TSC22D1: variants seen among roughly 807,000 people sequenced by gnomAD.
TSC22D1 encodes TSC22 domain family protein 1.
A neutral mutation model predicts 74.2 loss-of-function variants in TSC22D1; 9 were observed. That is an observed-to-expected ratio of 0.12 (90% CI 0.07 to 0.21). The LOEUF is 0.21. Among genes scored for constraint, TSC22D1 ranks in the 10% least tolerant of loss-of-function variants. The pLI, the probability that TSC22D1 is intolerant of heterozygous loss-of-function variation, is 1.00. For missense variants in TSC22D1, 1,427 were observed against 1,304.7 expected, an observed-to-expected ratio of 1.09 and a Z score of -1.44; for synonymous variants, 586 against 492.5, an observed-to-expected ratio of 1.19 and a Z score of -2.51.
chr13:44,498,479 A>C (rs1203794405), intron 1 of TSC22D1, among the ~76,000 whole-genome samples: 4 of 151,620 alleles, frequency 2.6e-5, no homozygotes, highest in African/African-American at 9.7e-5. Context: ...ACCATTTCAC[A>C]GCATACCAAC....
At chr13:44,444,023 A>G (rs1266576749) in intron 1 of TSC22D1, among the ~76,000 whole-genome samples, 3 of 152,138 alleles carry the variant, frequency 2.0e-5, no homozygotes, top group Non-Finnish European at 4.4e-5. Context: ...GTGGTGGCTC[A>G]CGCCTGTAAT....
chr13:44,511,729 AT>A (rs934648852), intron 1 of TSC22D1, among the ~76,000 whole-genome samples: 1 of 151,920 alleles, frequency 6.6e-6, no homozygotes. Context: ...AGAATTTATG[AT>A]TTTTTTTAAA....
chr13:44,558,140 G>C (rs1210371794), intron 1 of TSC22D1, among the ~76,000 whole-genome samples: 1 of 152,118 alleles, frequency 6.6e-6, no homozygotes, highest in African/African-American at 2.4e-5. Context: ...GCTTTTTATA[G>C]TTGTCAGCTG....
rs773879451 is a variant in TSC22D1, at chr13:44,575,889, C to T, written c.186G>A (p.Ser62=). 9.3e-6 allele frequency: 15 copies of T among 1,613,848 alleles called. No individual in the cohort carries two copies. The highest frequency in any genetic ancestry group is 1.3e-5 in the African/African-American group (1 of 74,898). The part of the protein sequence containing the change: ...ATSSEDFPPP[S]LLQPPPPAAS... Reference sequence around the variant, plus strand: ...CTGCAGGGGGCGGCGGCTGAAGCAGCGACGGAGGCGGAAAATCCTCGGAAG... The same window carrying T: ...CTGCAGGGGGCGGCGGCTGAAGCAGTGACGGAGGCGGAAAATCCTCGGAAG... Residue 62 remains serine (S), a synonymous_variant, in exon 1 of 3, where the codon TCG becomes TCA. Coordinates refer to ENST00000458659, the MANE Select transcript of TSC22D1 (RefSeq NM_183422.4).
intron 1 of TSC22D1, among the ~76,000 whole-genome samples, chr13:44,469,135 C>G (rs188553556): frequency 9.2e-5 from 14 of 152,180 alleles, no homozygotes. Context: ...TGCCTGTCAC[C>G]CATGCAATTA....
intron 1 of TSC22D1, among the ~76,000 whole-genome samples, chr13:44,511,048 G>A (rs1159232576): frequency 6.6e-6 from 1 of 152,212 alleles, no homozygotes; most frequent in Non-Finnish European, 1.5e-5. Flanking sequence ...CGTTCTGGGA[G>A]GCAGAGGTGG....
chr13:44,491,751 C>T (rs1480118514), intron 1 of TSC22D1, among the ~76,000 whole-genome samples: 2 of 152,084 alleles, frequency 1.3e-5, no homozygotes, highest in East Asian at 3.9e-4. Flanking sequence ...TATTTACAAG[C>T]ATTATATCAG....
chr13:44,570,793 G>A (rs1883713906), intron 1 of TSC22D1, among the ~76,000 whole-genome samples: 1 of 152,182 alleles, frequency 6.6e-6, no homozygotes, highest in African/African-American at 2.4e-5. Flanking sequence ...GAAGATGCAA[G>A]TGACAACAGA....
At chr13:44,494,097 C>G (rs906317811) in intron 1 of TSC22D1, among the ~76,000 whole-genome samples, 1 of 151,374 alleles carries the variant, frequency 6.6e-6, no homozygotes, top group Non-Finnish European at 1.5e-5. Context: ...CAAGCATGGT[C>G]AGGCATGGTG....
chr13:44,537,590 G>A (rs1028736371), intron 1 of TSC22D1: 102 of 984,536 alleles, frequency 1.0e-4, no homozygotes, highest in Non-Finnish European at 1.2e-4. Context: ...CTAAAACGAT[G>A]GACAGTTGTT....
intron 1 of TSC22D1, among the ~76,000 whole-genome samples, chr13:44,498,282 A>G (rs1566140538): frequency 1.4e-5 from 2 of 145,630 alleles, no homozygotes; most frequent in African/African-American, 5.1e-5. Flanking sequence ...TGGGCAACAA[A>G]GTGAGATTCT....
intron 1 of TSC22D1, among the ~76,000 whole-genome samples, chr13:44,442,767 T>C (rs1875300180): frequency 6.6e-6 from 1 of 151,098 alleles, no homozygotes; most frequent in Non-Finnish European, 1.5e-5. Flanking sequence ...AAATATAAAA[T>C]AGCTGGGCGT....
rs1378428472 is a variant in TSC22D1, at chr13:44,491,566, A to AC, written c.2913-55472_2913-55471insG. ...GAGACTCCGTCTCAAAAAAAAAAAA[A>AC]AAAGAAAAAAGAAAAGATTAGTATC... On this transcript the variant is annotated intron_variant, in intron 1 of 2. Transcript: ENST00000458659. Among the ~76,000 whole-genome samples, 4 of 151,976 alleles carry AC rather than the reference A, an allele frequency of 2.6e-5. 1 individual carries two copies. The highest frequency in any genetic ancestry group is 3.9e-4 in the East Asian group (2 of 5,174).
chr13:44,550,888 G>A (rs577188380), intron 1 of TSC22D1, among the ~76,000 whole-genome samples: 1 of 151,408 alleles, frequency 6.6e-6, no homozygotes, highest in African/African-American at 2.4e-5. Context: ...GCTGCAATGA[G>A]CTATGACTGC....
At position 44,555,670 on chromosome 13, in the gene TSC22D1, G is replaced by C. The variant is rs542112375; in HGVS notation, c.2912+17493C>G. On this transcript the variant is annotated intron_variant, in intron 1 of 2. Coordinates refer to ENST00000458659, the MANE Select transcript of TSC22D1 (RefSeq NM_183422.4). ...AGCCATCCTTGTCTTCAAGCACTTTGAGAACATTTTAGCCATTGATGTTTA... is the reference window on the plus strand; with the variant it reads ...AGCCATCCTTGTCTTCAAGCACTTTCAGAACATTTTAGCCATTGATGTTTA... 4.1e-3 allele frequency among the ~76,000 whole-genome samples: 624 copies of C among 151,992 alleles called. 5 individuals carry two copies. The highest frequency in any genetic ancestry group is 0.014 in the African/African-American group (574 of 41,440).
chr13:44,507,554 A>T (rs1032312004), intron 1 of TSC22D1, among the ~76,000 whole-genome samples: 4 of 152,194 alleles, frequency 2.6e-5, no homozygotes. Flanking sequence ...TTTAAAGTAC[A>T]CAAAATACTA....
chr13:44,473,628 T>A (rs1475635268), intron 1 of TSC22D1, among the ~76,000 whole-genome samples: 6 of 151,060 alleles, frequency 4.0e-5, no homozygotes, highest in Admixed American at 4.0e-4. Flanking sequence ...TGTGTGTGTA[T>A]ATATTTAGCA....
At chr13:44,436,560 A>C (rs974023819) in intron 1 of TSC22D1, 3 of 1,614,102 alleles carry the variant, frequency 1.9e-6, no homozygotes, top group Non-Finnish European at 8.5e-7. Flanking sequence ...ACAAGAAAGA[A>C]ATTGAAAAAT....
chr13:44,571,643 T>C (rs550434245), intron 1 of TSC22D1, among the ~76,000 whole-genome samples: 4 of 152,216 alleles, frequency 2.6e-5, no homozygotes, highest in African/African-American at 4.8e-5. Flanking sequence ...TAAAAAACAT[T>C]AATATTTGTG....
Sources: gnomAD v4.1 joint callset for allele counts (sites outside exome capture counted in the v4.1 genomes callset) on GRCh38, gnomAD v4.1.1 for gene constraint, MANE v1.5 for transcripts, NCBI Gene and HGNC (gene_info 2026-07-23, HGNC 2026-07-21) for gene names.